The following BMP6 variants were observed in gnomAD, a reference collection of about 807,000 sequenced individuals.
BMP6 encodes bone morphogenetic protein 6, also known as VG-1-R.
A neutral mutation model predicts 54.1 loss-of-function variants in BMP6; 17 were observed. The observed-to-expected ratio is 0.31, with a 90% confidence interval of 0.22 to 0.47. The LOEUF (loss-of-function observed/expected upper bound fraction) is 0.47. Among genes scored for constraint, BMP6 ranks in the 20% least tolerant of loss-of-function variants. The probability of loss-of-function intolerance (pLI) is 1.00; values close to 1 mark genes in which losing one functional copy is unlikely to be tolerated. For synonymous variants in BMP6, 328 were observed against 291.2 expected, an observed-to-expected ratio of 1.13 and a Z score of -1.28; for missense variants, 720 against 690.4, an observed-to-expected ratio of 1.04 and a Z score of -0.48.
intron 2 of BMP6, among the ~76,000 whole-genome samples, chr6:7,848,962 G>A (rs547200619): frequency 1.3e-5 from 2 of 152,198 alleles, no homozygotes; most frequent in South Asian, 2.1e-4. Context: ...AGATAGACAG[G>A]GCAGGCATGT....
chr6:7,823,072 T>G (rs886459874), intron 1 of BMP6, among the ~76,000 whole-genome samples: 2 of 152,200 alleles, frequency 1.3e-5, no homozygotes, highest in African/African-American at 4.8e-5. Context: ...ATTTTCTGTG[T>G]TATATTCTCC....
chr6:7,787,974 A>C (rs774211053), intron 1 of BMP6, among the ~76,000 whole-genome samples: 1 of 152,096 alleles, frequency 6.6e-6, no homozygotes, highest in East Asian at 1.9e-4. Context: ...AACGCAAGTC[A>C]TTTTGATGAA....
chr6:7,728,316 A>G (rs1396880772), intron 1 of BMP6, among the ~76,000 whole-genome samples: 6 of 152,200 alleles, frequency 3.9e-5, no homozygotes, highest in Non-Finnish European at 7.3e-5. Context: ...CATTGTCCCC[A>G]AAGGCTGAAC....
chr6:7,727,202 A>G lies in BMP6; in HGVS notation c.247A>G (p.Ile83Val). 6.2e-7 allele frequency: 1 copy of G among 1,604,412 alleles called. No homozygotes were observed. The highest frequency in any genetic ancestry group is 2.3e-5 in the East Asian group (1 of 44,430). ...GGAGAAGCGGGAGATGCAGAAGGAG[A>G]TCTTGTCGGTGCTGGGGCTCCCGCA... ...TQEKREMQKEILSVLGLPHRP... is the reference protein window; with the variant it reads ...TQEKREMQKEVLSVLGLPHRP... Residue 83 changes from isoleucine to valine, a missense_variant, in exon 1 of 7, where the codon ATC becomes GTC. Around this residue, in one of 3 missense-constraint regions of BMP6, gnomAD observed 650 missense variants for 556.3 expected, o/e 1.17. Transcript: ENST00000283147.
rs773257606 is a variant in BMP6 at position 7,727,339 on chromosome 6, A to G, written c.384A>G (p.Arg128=). Reference sequence around the variant, plus strand: ...CTCGCGGAGAGCCCCCTCCCGGGCGACTGAAGTCCGCGCCCCTCTTCATGC... The same window carrying G: ...CTCGCGGAGAGCCCCCTCCCGGGCGGCTGAAGTCCGCGCCCCTCTTCATGC... ...QLPRGEPPPG[R]LKSAPLFMLD... The change falls in exon 1 of 7, where the codon CGA becomes CGG. Residue 128 remains arginine, a synonymous_variant. Transcript: ENST00000283147. 1.2e-6 allele frequency: 2 copies of G among 1,609,698 alleles called. No individual in the cohort carries two copies. Among genetic ancestry groups the G allele is most frequent in the Non-Finnish European group, 1.7e-6 (2 of 1,178,764 alleles).
intron 1 of BMP6, among the ~76,000 whole-genome samples, chr6:7,765,116 G>A (rs1757667191): frequency 6.6e-6 from 1 of 152,182 alleles, no homozygotes; most frequent in Admixed American, 6.5e-5. Flanking sequence ...TCACTGCCCA[G>A]GCATGGACCA....
intron 2 of BMP6, among the ~76,000 whole-genome samples, chr6:7,853,473 T>A (rs1378524062): frequency 1.3e-5 from 2 of 152,152 alleles, no homozygotes; most frequent in African/African-American, 4.8e-5. Context: ...CTCTATAAAA[T>A]CTGTTGGATT....
rs539529176 is a variant in BMP6 at position 7,862,773 on chromosome 6, C to T, written c.1204+275C>T. Among the ~76,000 whole-genome samples the T allele has an allele frequency of 2.6e-5, 4 of 152,292 alleles. No individual in the cohort carries two copies. The South Asian group carries it at 8.3e-4, about 32-fold the overall frequency. On this transcript the variant is annotated intron_variant, in intron 4 of 6. Coordinates refer to ENST00000283147, the MANE Select transcript of BMP6 (RefSeq NM_001718.6). ...AGCATCTTTCTGTTTGGTTACATTT[C>T]TCCAACTCTTTTTTAAATTCCCATC...
intron 2 of BMP6, among the ~76,000 whole-genome samples, chr6:7,859,942 T>C (rs900307870): frequency 6.6e-6 from 1 of 152,180 alleles, no homozygotes; most frequent in Admixed American, 6.5e-5. Flanking sequence ...CTCTGAGAAA[T>C]CTAACCATTT....
In BMP6 at chr6:7,861,460, C is replaced by T; in HGVS notation, c.867C>T (p.Asp289=). The change falls in exon 3 of 7, where the codon GAC becomes GAT. Residue 289 remains aspartate (D), a synonymous_variant. Transcript: ENST00000283147. Reference sequence around the variant, plus strand: ...TTTTTCTTTCTTTCAGAGACTCTGACCTGTTTTTGTTGGACACCCGTGTAG... The same window carrying T: ...TTTTTCTTTCTTTCAGAGACTCTGATCTGTTTTTGTTGGACACCCGTGTAG... ...VLQEHQHRDS[D]LFLLDTRVVW... 2 of 1,614,010 alleles carry T rather than the reference C, an allele frequency of 1.2e-6. No individual in the cohort carries two copies. The highest frequency in any genetic ancestry group is 8.5e-7 in the Non-Finnish European group (1 of 1,179,980).
chr6:7,880,512 C>A lies in BMP6; in HGVS notation c.*169C>A. ...TTTAAAGGACCTCATTAATAATTTG[C>A]TCACTTGGTAAATGACGTGAGTAGT... On this transcript the variant is annotated 3_prime_UTR_variant, in exon 7 of 7. Coordinates refer to ENST00000283147, the MANE Select transcript of BMP6 (RefSeq NM_001718.6). 2.2e-6 allele frequency: 2 copies of A among 925,674 alleles called. No homozygotes were observed. Among genetic ancestry groups the A allele is most frequent in the Non-Finnish European group, 3.2e-6 (2 of 621,594 alleles). 57.3% of individuals were successfully genotyped at this position (925,674 alleles called of 1,614,324 possible).
intron 1 of BMP6, among the ~76,000 whole-genome samples, chr6:7,733,053 C>G (rs932537965): frequency 3.4e-5 from 5 of 148,966 alleles, no homozygotes; most frequent in Admixed American, 6.7e-5. Flanking sequence ...TCTCCGCCAC[C>G]ACACCTGGCT....
intron 1 of BMP6, among the ~76,000 whole-genome samples, chr6:7,747,800 C>T (rs1757368311): frequency 6.6e-6 from 1 of 152,056 alleles, no homozygotes; most frequent in African/African-American, 2.4e-5. Flanking sequence ...GCATGCACTA[C>T]CTTGACTAGC....
At chr6:7,728,085 C>G (rs185165062) in intron 1 of BMP6, among the ~76,000 whole-genome samples, 1 of 152,254 alleles carries the variant, frequency 6.6e-6, no homozygotes, top group African/African-American at 2.4e-5. Context: ...AGTTTTCCCA[C>G]CGAGACTTTT....
intron 1 of BMP6, among the ~76,000 whole-genome samples, chr6:7,766,850 TCAAA>T (rs1344580521): frequency 6.6e-6 from 1 of 152,114 alleles, no homozygotes; most frequent in Non-Finnish European, 1.5e-5. Flanking sequence ...TTCAAAAAAG[TCAAA>T]CAAAATCAAA....
intron 4 of BMP6, 122 bp from the exon 5 acceptor site, chr6:7,878,952 G>C (rs1759666387): frequency 6.4e-6 from 6 of 935,260 alleles, no homozygotes; most frequent in East Asian, 2.4e-5. Flanking sequence ...GACCATACTT[G>C]TATCTAGGAG....
intron 1 of BMP6, among the ~76,000 whole-genome samples, chr6:7,730,583 T>C (rs1761836046): frequency 6.6e-6 from 1 of 152,226 alleles, no homozygotes; most frequent in African/African-American, 2.4e-5. Flanking sequence ...CAATTCTATT[T>C]CATCTTAATC....
At chr6:7,869,841 G>A (rs752840105) in intron 4 of BMP6, among the ~76,000 whole-genome samples, 41 of 152,194 alleles carry the variant, frequency 2.7e-4, no homozygotes, top group Non-Finnish European at 4.4e-4. Flanking sequence ...AGCCTGTGTG[G>A]AACGTGCACC....
chr6:7,812,528 A>T (rs1202973512), intron 1 of BMP6, among the ~76,000 whole-genome samples: 1 of 152,240 alleles, frequency 6.6e-6, no homozygotes, highest in East Asian at 1.9e-4. Flanking sequence ...ATATGTAAAG[A>T]AATACCCAGA....
Sources: allele counts gnomAD v4.1 joint callset (sites outside exome capture counted in the v4.1 genomes callset), GRCh38; gene constraint gnomAD v4.1.1; regional missense constraint gnomAD v4.1.1; transcripts MANE v1.5; gene names NCBI Gene and HGNC (gene_info 2026-07-23, HGNC 2026-07-21).